Variants in MYEF2 observed in about 807,000 individuals in gnomAD.
MYEF2 encodes the protein myelin expression factor 2.
MYEF2 carries 37 observed loss-of-function variants against 75.2 expected under a neutral mutation model. The ratio of observed to expected loss-of-function variants is 0.49; its 90% confidence interval spans 0.38 to 0.65. The LOEUF is 0.65. Among genes scored for constraint, MYEF2 ranks in the 30% least tolerant of loss-of-function variants. The pLI is 0.00. For synonymous variants in MYEF2, 195 were observed against 241.6 expected, an observed-to-expected ratio of 0.81 and a Z score of 1.79; for missense variants, 634 against 771.4, an observed-to-expected ratio of 0.82 and a Z score of 2.11.
At position 48,135,911 on chromosome 15, in the gene MYEF2, G is replaced by C. The variant is rs2038887192; in HGVS notation, c.*6997C>G. The C allele has an allele frequency of 6.6e-6, 1 of 152,134 alleles. No homozygotes were observed. Among genetic ancestry groups the C allele is most frequent in the African/African-American group, 2.4e-5 (1 of 41,448 alleles). The allele number at this position is 152,134 out of a possible 1,614,324, so 9.4% of individuals were successfully genotyped here. A position where few individuals can be genotyped will look rare whatever the true frequency, so the allele number is the denominator to read the frequency against. On this transcript the variant is annotated 3_prime_UTR_variant, in exon 17 of 17. Coordinates refer to ENST00000324324, the MANE Select transcript of MYEF2 (RefSeq NM_016132.5). ...ACTCAGCAGTTGTCTGTAAGGGATA[G>C]TGACTGTGAGAGTATCCAAGCTAAT...
chr15:48,143,213 A>ATAT, intron 16 of MYEF2, 142 bp from the exon 17 acceptor site: 1 of 446,244 alleles, frequency 2.2e-6, no homozygotes, highest in Non-Finnish European at 3.6e-6. Flanking sequence ...TATAAGCATT[A>ATAT]TATTTGGACT....
intron 1 of MYEF2, among the ~76,000 whole-genome samples, chr15:48,170,563 T>A (rs141064155): frequency 5.9e-5 from 9 of 152,198 alleles, no homozygotes; most frequent in Non-Finnish European, 7.3e-5. Context: ...AAATTTTTTT[T>A]AAAGCTTTCT....
intron 3 of MYEF2, 106 bp from the exon 4 acceptor site, chr15:48,166,234 AATAT>A: frequency 1.2e-6 from 1 of 860,920 alleles, no homozygotes; most frequent in Non-Finnish European, 1.8e-6. Flanking sequence ...GGCAATTAAT[AATAT>A]GGTAGAATCA....
At chr15:48,175,141 A>C (rs2040472494) in intron 1 of MYEF2, among the ~76,000 whole-genome samples, 1 of 152,152 alleles carries the variant, frequency 6.6e-6, no homozygotes, top group Non-Finnish European at 1.5e-5. Flanking sequence ...GCCTTACAAA[A>C]AGAACAAAAT....
Position 48,142,065 on chromosome 15 carries a change from C to T in MYEF2, c.*843G>A, listed in dbSNP as rs1310484845. The T allele has an allele frequency of 6.2e-7, 1 of 1,613,376 alleles. No homozygotes were observed. Among genetic ancestry groups the T allele is most frequent in the African/African-American group, 1.3e-5 (1 of 74,906 alleles). On this transcript the variant is annotated 3_prime_UTR_variant, in exon 17 of 17. Transcript: ENST00000324324. ...ATGGCTATGTCTAACATCGTGGGAT[C>T]CAATGTGTTTGATATGTTGTGCCTT...
chr15:48,158,836 T>A lies in MYEF2; in HGVS notation c.804A>T (p.Lys268Asn), dbSNP rs781506493. ...TVKRADIKEDKDGKSRGMGTV... is the reference protein window; with the variant it reads ...TVKRADIKEDNDGKSRGMGTV... Reference sequence around the variant, plus strand: ...TGCCCATTCCTCTGCTCTTGCCATCTTTGTCTTCTTTAATATCTGCCCGCT... The same window carrying A: ...TGCCCATTCCTCTGCTCTTGCCATCATTGTCTTCTTTAATATCTGCCCGCT... Residue 268 changes from lysine (K) to asparagine (N), a missense_variant, in exon 7 of 17, where the codon AAA becomes AAT. Transcript: ENST00000324324. The A allele has an allele frequency of 6.2e-7, 1 of 1,613,858 alleles. No homozygotes were observed. Among genetic ancestry groups the A allele is most frequent in the Non-Finnish European group, 8.5e-7 (1 of 1,179,824 alleles).
intron 1 of MYEF2, among the ~76,000 whole-genome samples, chr15:48,171,050 A>T (rs1028198161): frequency 6.6e-6 from 1 of 152,202 alleles, no homozygotes; most frequent in Non-Finnish European, 1.5e-5. Context: ...TCAACTGTCT[A>T]AATCTAGAAA....
chr15:48,160,879 GA>G (rs5812433), intron 5 of MYEF2, among the ~76,000 whole-genome samples: 140,110 of 151,300 alleles, frequency 0.93, 65,525 homozygotes, highest in Non-Finnish European at 1. Flanking sequence ...GATTACAAAA[GA>G]AAAAAAAAAT....
At position 48,142,351 on chromosome 15, in the gene MYEF2, A is replaced by T. The variant is rs925677408; in HGVS notation, c.*557T>A. ...ATAAAATAAGGGGCTGTGGAGGTTG[A>T]TATTATTAATAGTGTTATGCAGAAA... is the stretch of plus-strand genomic sequence containing the variant. On this transcript the variant is annotated 3_prime_UTR_variant, in exon 17 of 17. Transcript: ENST00000324324. 1.9e-6 allele frequency: 3 copies of T among 1,574,254 alleles called. No homozygotes were observed. The African/African-American group carries it at 4.1e-5, about 21-fold the overall frequency.
chr15:48,142,628 C>T lies in MYEF2; in HGVS notation c.*280G>A. 1 of 438,030 alleles carries T rather than the reference C, an allele frequency of 2.3e-6. No homozygotes were observed. The highest frequency in any genetic ancestry group is 4.0e-6 in the Non-Finnish European group (1 of 251,858). The allele number at this position is 438,030 out of a possible 1,614,324, so 27.1% of individuals were successfully genotyped here. A position where few individuals can be genotyped will look rare whatever the true frequency, so the allele number is the denominator to read the frequency against. Reference sequence around the variant, plus strand: ...GAGAAACTAGAACAAACAAATCCAACTATGTAGTACTGAAAACAACAAGAA... The same window carrying T: ...GAGAAACTAGAACAAACAAATCCAATTATGTAGTACTGAAAACAACAAGAA... On this transcript the variant is annotated 3_prime_UTR_variant, in exon 17 of 17. Transcript: ENST00000324324.
At chr15:48,155,690 GAA>G (rs201530274) in intron 9 of MYEF2, among the ~76,000 whole-genome samples, 2 of 110,182 alleles carry the variant, frequency 1.8e-5, no homozygotes, top group African/African-American at 6.5e-5. Context: ...AAGTACAAAG[GAA>G]AAAAAAAAAA....
rs191998434 is a variant in MYEF2 at position 48,150,804 on chromosome 15, T to A, written c.1378+296A>T. ...AAGTTGGTGCTAAAGCAAAAGTTGC[T>A]CCTGAAACATGATCAGAGAAATCCC... On this transcript the variant is annotated intron_variant, in intron 14 of 16. Transcript: ENST00000324324. Among the ~76,000 whole-genome samples, 3 of 152,056 alleles carry A rather than the reference T, an allele frequency of 2.0e-5. No individual in the cohort carries two copies. In the East Asian group the frequency reaches 5.8e-4, roughly 29 times the overall value.
intron 1 of MYEF2, 90 bp downstream of exon 1, chr15:48,177,987 G>T: frequency 6.7e-7 from 1 of 1,482,288 alleles, no homozygotes; most frequent in Non-Finnish European, 9.1e-7. Context: ...GGGGGTGGTT[G>T]TCCCCCATCG....
intron 16 of MYEF2, among the ~76,000 whole-genome samples, chr15:48,146,003 A>G (rs1170810948): frequency 1.3e-5 from 2 of 151,926 alleles, no homozygotes; most frequent in East Asian, 3.9e-4. Context: ...ACACTGATGT[A>G]GAAATACTAC....
rs2038931026 is a variant in MYEF2 at position 48,137,486 on chromosome 15, G to T, written c.*5422C>A. On this transcript the variant is annotated 3_prime_UTR_variant, in exon 17 of 17. Coordinates refer to ENST00000324324, the MANE Select transcript of MYEF2 (RefSeq NM_016132.5). ...GAATCTTGGAAGGTTTCTGAGGAGA[G>T]AAATTATTAGAACTGTTATCTTAGT... 6.6e-6 allele frequency: 1 copy of T among 152,166 alleles called. No homozygotes were observed. The highest frequency in any genetic ancestry group is 1.5e-5 in the Non-Finnish European group (1 of 68,074). 9.4% of individuals were successfully genotyped at this position (152,166 alleles called of 1,614,324 possible).
chr15:48,143,216 T>TTATTTA, intron 16 of MYEF2, 145 bp from the exon 17 acceptor site: 2 of 446,414 alleles, frequency 4.5e-6, no homozygotes, highest in Non-Finnish European at 7.3e-6. Context: ...AAGCATTATA[T>TTATTTA]TTGGACTAAA....
At chr15:48,157,706 G>A (rs183606334) in intron 9 of MYEF2, 1 of 1,075,016 alleles carries the variant, frequency 9.3e-7, no homozygotes, top group East Asian at 5.3e-5. Flanking sequence ...CCCACAGATG[G>A]TGAAATTACA....
intron 1 of MYEF2, among the ~76,000 whole-genome samples, chr15:48,173,692 T>G (rs938408128): frequency 2.6e-5 from 4 of 152,036 alleles, no homozygotes; most frequent in African/African-American, 9.7e-5. Context: ...CCACTGCATA[T>G]CTACACACTA....
intron 16 of MYEF2, among the ~76,000 whole-genome samples, chr15:48,147,176 T>C (rs1022433317): frequency 2.6e-5 from 4 of 151,960 alleles, no homozygotes; most frequent in Non-Finnish European, 5.9e-5. Flanking sequence ...GATTTGAATG[T>C]TTTTTCCTTT....
Sources: gnomAD v4.1 joint callset for allele counts (sites outside exome capture counted in the v4.1 genomes callset) on GRCh38, gnomAD v4.1.1 for gene constraint, MANE v1.5 for transcripts, NCBI Gene and HGNC (gene_info 2026-07-23, HGNC 2026-07-21) for gene names.